The following ZDHHC14 variants were observed in gnomAD, a reference collection of about 807,000 sequenced individuals.
ZDHHC14 encodes the protein palmitoyltransferase ZDHHC14.
Under a neutral mutation model 47.7 loss-of-function variants are expected in ZDHHC14, and 16 were observed. The ratio of observed to expected loss-of-function variants is 0.34; its 90% confidence interval spans 0.23 to 0.51. The LOEUF is 0.51. ZDHHC14 is among the 20% of genes least tolerant of loss of function. The pLI, the probability that ZDHHC14 is intolerant of heterozygous loss-of-function variation, is 0.97. For missense variants in ZDHHC14, 515 were observed against 662.5 expected, an observed-to-expected ratio of 0.78 and a Z score of 2.44; for synonymous variants, 293 against 278.9, an observed-to-expected ratio of 1.05 and a Z score of -0.50.
At chr6:157,409,482 G>A (rs1159164252) in intron 1 of ZDHHC14, among the ~76,000 whole-genome samples, 1 of 152,190 alleles carries the variant, frequency 6.6e-6, no homozygotes, top group Non-Finnish European at 1.5e-5. Context: ...TTCTGGTGAG[G>A]GGCTGGACAA....
At chr6:157,628,279 G>T in intron 3 of ZDHHC14, 70 bp from the exon 4 acceptor site, 1 of 1,515,436 alleles carries the variant, frequency 6.6e-7, no homozygotes, top group Non-Finnish European at 8.9e-7. Context: ...GAGGGGCGGG[G>T]CTCCTGCAAG....
In ZDHHC14 at chr6:157,537,060, C is replaced by T. The variant is rs1235474729; in HGVS notation, c.246-5525C>T. Reference sequence around the variant, plus strand: ...GTCTCGATCTCCTGACCTCGTGATCCGCCCGCCTCGGCCTCCCAAAGTGCT... The same window carrying T: ...GTCTCGATCTCCTGACCTCGTGATCTGCCCGCCTCGGCCTCCCAAAGTGCT... On this transcript the variant is annotated intron_variant, in intron 1 of 8. Coordinates refer to ENST00000359775, the MANE Select transcript of ZDHHC14 (RefSeq NM_024630.3). 7.1e-5 allele frequency among the ~76,000 whole-genome samples: 4 copies of T among 56,034 alleles called. 1 individual carries two copies. The highest frequency in any genetic ancestry group is 1.1e-4 in the African/African-American group (2 of 17,788). 36.8% of individuals were successfully genotyped at this position (56,034 alleles called of 152,430 possible).
At chr6:157,646,141 G>A in intron 6 of ZDHHC14, 1 of 263,240 alleles carries the variant, frequency 3.8e-6, no homozygotes, top group Non-Finnish European at 7.2e-6. Context: ...GGTTTCGTAA[G>A]CTTCTTATCA....
At chr6:157,551,300 G>A (rs113285242) in intron 2 of ZDHHC14, among the ~76,000 whole-genome samples, 9,412 of 152,154 alleles carry the variant, frequency 0.062, 1,021 homozygotes, top group African/African-American at 0.21. Context: ...AGTCATGGAG[G>A]TCACCCTGGA....
chr6:157,517,903 G>A (rs536664724), intron 1 of ZDHHC14, among the ~76,000 whole-genome samples: 1 of 152,340 alleles, frequency 6.6e-6, no homozygotes, highest in South Asian at 2.1e-4. Flanking sequence ...GGCATTGCCT[G>A]TGATCTGTAT....
At chr6:157,409,550 A>G (rs927850478) in intron 1 of ZDHHC14, among the ~76,000 whole-genome samples, 1 of 152,194 alleles carries the variant, frequency 6.6e-6, no homozygotes, top group Middle Eastern at 3.2e-3. Context: ...ATATTTACTG[A>G]GCACCAACGG....
chr6:157,396,996 G>A (rs1023767538), intron 1 of ZDHHC14, among the ~76,000 whole-genome samples: 1 of 152,192 alleles, frequency 6.6e-6, no homozygotes, highest in Non-Finnish European at 1.5e-5. Context: ...TCTGCCTCTT[G>A]GCTTCGGATG....
chr6:157,388,153 TACCTA>T (rs1282620110), intron 1 of ZDHHC14, among the ~76,000 whole-genome samples: 2 of 152,234 alleles, frequency 1.3e-5, no homozygotes, highest in Admixed American at 6.5e-5. Flanking sequence ...ATTTGAATGT[TACCTA>T]ACAACCACTG....
At chr6:157,475,013 T>G (rs1054368867) in intron 1 of ZDHHC14, among the ~76,000 whole-genome samples, 1 of 152,212 alleles carries the variant, frequency 6.6e-6, no homozygotes, top group African/African-American at 2.4e-5. Flanking sequence ...TGTTTTCTTC[T>G]TCAGATCTTA....
rs192088396 is a variant in ZDHHC14, at chr6:157,563,630, A to C, written c.406+20885A>C. On this transcript the variant is annotated intron_variant, in intron 2 of 8. Transcript: ENST00000359775. Reference sequence around the variant, plus strand: ...CACTTCTTTACATAGGATGTAAAAAAGATTGGAGTGTGTCCCCAGCCAGCA... The same window carrying C: ...CACTTCTTTACATAGGATGTAAAAACGATTGGAGTGTGTCCCCAGCCAGCA... Among the ~76,000 whole-genome samples the C allele has an allele frequency of 2.4e-3, 367 of 152,266 alleles. 1 individual carries two copies. Among genetic ancestry groups the C allele is most frequent in the Non-Finnish European group, 3.3e-3 (222 of 68,014 alleles).
At chr6:157,656,198 A>C (rs582882) in intron 8 of ZDHHC14, among the ~76,000 whole-genome samples, 95,153 of 152,010 alleles carry the variant, frequency 0.63, 30,629 homozygotes, top group African/African-American at 0.77. Flanking sequence ...CACCTTCCAA[A>C]TAACTAGTAC....
At chr6:157,653,653 G>A in intron 8 of ZDHHC14, 26 bp downstream of exon 8, 1 of 1,599,378 alleles carries the variant, frequency 6.3e-7, no homozygotes, top group Non-Finnish European at 8.5e-7. Flanking sequence ...ACTGCTCCCT[G>A]CGAGGGCTTC....
chr6:157,416,972 GTTTTTTTTTTTTTTT>G (rs71027335), intron 1 of ZDHHC14, among the ~76,000 whole-genome samples: 3 of 45,558 alleles, frequency 6.6e-5, no homozygotes, highest in Admixed American at 3.7e-4. Context: ...TGCCTGGCTA[GTTTTTTTTTTTTTTT>G]TTTTTTTTTT....
At chr6:157,429,994 A>G (rs559380366) in intron 1 of ZDHHC14, among the ~76,000 whole-genome samples, 1 of 152,342 alleles carries the variant, frequency 6.6e-6, no homozygotes, top group East Asian at 1.9e-4. Flanking sequence ...TCTTGATTGG[A>G]TAACACGATG....
At chr6:157,400,962 T>A (rs1777623795) in intron 1 of ZDHHC14, among the ~76,000 whole-genome samples, 1 of 152,258 alleles carries the variant, frequency 6.6e-6, no homozygotes, top group Admixed American at 6.5e-5. Context: ...GGTACTAGTG[T>A]GTGGCTCACA....
chr6:157,453,297 C>T (rs142681754), intron 1 of ZDHHC14, among the ~76,000 whole-genome samples: 32 of 152,234 alleles, frequency 2.1e-4, no homozygotes, highest in African/African-American at 7.2e-4. Context: ...TTATCAAATT[C>T]GAATGACAGG....
At chr6:157,657,870 G>C (rs2114998673) in intron 8 of ZDHHC14, among the ~76,000 whole-genome samples, 1 of 152,258 alleles carries the variant, frequency 6.6e-6, no homozygotes. Context: ...ATTGGAGATG[G>C]GGATTCACTG....
intron 1 of ZDHHC14, among the ~76,000 whole-genome samples, chr6:157,397,807 G>T (rs1452213499): frequency 6.6e-6 from 1 of 152,204 alleles, no homozygotes; most frequent in Non-Finnish European, 1.5e-5. Flanking sequence ...CTCTGAAGGG[G>T]GCTGTCCCGA....
intron 1 of ZDHHC14, among the ~76,000 whole-genome samples, chr6:157,483,820 G>T (rs1210362741): frequency 6.6e-6 from 1 of 152,142 alleles, no homozygotes; most frequent in Non-Finnish European, 1.5e-5. Flanking sequence ...TAAGATGCAT[G>T]ACTTAGTGCT....
Sources: gnomAD v4.1 joint callset for allele counts (sites outside exome capture counted in the v4.1 genomes callset) on GRCh38, gnomAD v4.1.1 for gene constraint, MANE v1.5 for transcripts, NCBI Gene and HGNC (gene_info 2026-07-23, HGNC 2026-07-21) for gene names.